TNFSF13B: variants seen among roughly 807,000 people sequenced by gnomAD.
The protein encoded by TNFSF13B is tumor necrosis factor ligand superfamily member 13B.
TNFSF13B carries 8 observed loss-of-function variants against 29.1 expected under a neutral mutation model. That is an observed-to-expected ratio of 0.27 (90% CI 0.16 to 0.50). The LOEUF (loss-of-function observed/expected upper bound fraction) is 0.50, where lower values mean the gene tolerates loss of function less well. Ranked by LOEUF, TNFSF13B falls within the 20% of genes least tolerant of loss-of-function variation. TNFSF13B has a pLI of 0.98. For synonymous variants in TNFSF13B, 125 were observed against 130.8 expected, an observed-to-expected ratio of 0.96 and a Z score of 0.30; for missense variants, 248 against 334.9, an observed-to-expected ratio of 0.74 and a Z score of 2.03.
intron 5 of TNFSF13B, among the ~76,000 whole-genome samples, chr13:108,303,977 T>C (rs1366694111): frequency 2.0e-5 from 3 of 152,216 alleles, no homozygotes; most frequent in Non-Finnish European, 2.9e-5. Context: ...CTGACAAGGA[T>C]AGAGTGATTA....
intron 2 of TNFSF13B, among the ~76,000 whole-genome samples, chr13:108,271,041 C>T (rs766013490): frequency 1.0e-3 from 154 of 151,752 alleles, no homozygotes; most frequent in Admixed American, 1.7e-3. Flanking sequence ...ATGCATTTAT[C>T]GTCTTCTTAT....
At position 108,299,103 on chromosome 13, in the gene TNFSF13B, C is replaced by T. The variant is rs1051757541; in HGVS notation, c.482-4150C>T. Among the ~76,000 whole-genome samples the T allele has an allele frequency of 1.4e-5, 2 of 146,134 alleles. 1 individual carries two copies. The highest frequency in any genetic ancestry group is 3.0e-5 in the Non-Finnish European group (2 of 65,680). ...GGAATAGCTCTCCATTTATTTAGTT[C>T]TTTAAATCTTTTACATATTTTGTTG... On this transcript the variant is annotated intron_variant, in intron 3 of 5. Transcript: ENST00000375887.
At chr13:108,274,053 A>G (rs1003723941) in intron 2 of TNFSF13B, among the ~76,000 whole-genome samples, 8 of 152,164 alleles carry the variant, frequency 5.3e-5, no homozygotes, top group Non-Finnish European at 7.3e-5. Context: ...TTTTAAAATA[A>G]CATTTTCTTT....
chr13:108,270,150 C>T lies in TNFSF13B; in HGVS notation c.255C>T (p.Gly85=). 1 of 1,602,008 alleles carries T rather than the reference C, an allele frequency of 6.2e-7. No individual in the cohort carries two copies. The highest frequency in any genetic ancestry group is 1.1e-5 in the South Asian group (1 of 91,052). The change falls in exon 1 of 6, where the codon GGC becomes GGT. Residue 85 remains glycine (G), a synonymous_variant. Transcript: ENST00000375887. ...CCAGCCTCCGGGCAGAGCTGCAGGG[C>T]CACCACGCGGAGAAGCTGCCAGCAG... ...DLASLRAELQ[G]HHAEKLPAGA... is the part of the protein sequence containing the mutation.
At chr13:108,300,396 G>A (rs941678617) in intron 3 of TNFSF13B, among the ~76,000 whole-genome samples, 25 of 152,030 alleles carry the variant, frequency 1.6e-4, no homozygotes, top group African/African-American at 6.0e-4. Flanking sequence ...TATCTCTCAA[G>A]TATATTATTT....
chr13:108,286,495 C>T (rs771597222), intron 2 of TNFSF13B, among the ~76,000 whole-genome samples: 1 of 151,918 alleles, frequency 6.6e-6, no homozygotes, highest in Non-Finnish European at 1.5e-5. Context: ...GGTAGACTTG[C>T]AAAACAAATG....
rs1163487676 is a variant in TNFSF13B, at chr13:108,307,796, T to C, written c.*858T>C. ...TGAATACATTCATACTAATGTAATG[T>C]AATTTCCCTTTATTTCTTGCTCTTC... On this transcript the variant is annotated 3_prime_UTR_variant, in exon 6 of 6. Coordinates refer to ENST00000375887, the MANE Select transcript of TNFSF13B (RefSeq NM_006573.5). 1.3e-5 allele frequency: 2 copies of C among 152,124 alleles called. No homozygotes were observed. The highest frequency in any genetic ancestry group is 2.4e-5 in the African/African-American group (1 of 41,458). The allele number at this position is 152,124 out of a possible 1,614,324, so 9.4% of individuals were successfully genotyped here.
Position 108,270,424 on chromosome 13 carries a change from G to T in TNFSF13B, c.424G>T (p.Val142Phe). The change falls in exon 2 of 6, where the codon GTC becomes TTC. Residue 142 changes from valine to phenylalanine, a missense_variant and splice_region_variant. Val to Phe is a conservative substitution (Grantham distance 50). Transcript: ENST00000375887. The part of the protein sequence containing the change: ...KRAVQGPEET[V>F]TQDCLQLIAD... ...TGCCGTTCAGGGTCCAGAAGAAACAGGTATGTTTTGGGCACAGACACTTTT... is the reference window on the plus strand; with the variant it reads ...TGCCGTTCAGGGTCCAGAAGAAACATGTATGTTTTGGGCACAGACACTTTT... 6.2e-7 allele frequency: 1 copy of T among 1,613,896 alleles called. No homozygotes were observed. The highest frequency in any genetic ancestry group is 8.5e-7 in the Non-Finnish European group (1 of 1,179,812).
chr13:108,298,554 A>G (rs1015372298), intron 3 of TNFSF13B, among the ~76,000 whole-genome samples: 1 of 145,442 alleles, frequency 6.9e-6, no homozygotes, highest in African/African-American at 2.6e-5. Context: ...CTTGAAGTAG[A>G]GTAGTGTTAG....
chr13:108,300,963 C>G (rs1881606485), intron 3 of TNFSF13B, among the ~76,000 whole-genome samples: 1 of 152,156 alleles, frequency 6.6e-6, no homozygotes, highest in Non-Finnish European at 1.5e-5. Flanking sequence ...AAAGATCTGA[C>G]TAGGGAAATG....
chr13:108,307,016 CAAAAAAAAAAAAAAAAAAA>C lies in TNFSF13B; in HGVS notation c.*91_*109del. On this transcript the variant is annotated 3_prime_UTR_variant, in exon 6 of 6. Coordinates refer to ENST00000375887, the MANE Select transcript of TNFSF13B (RefSeq NM_006573.5). The stretch of plus-strand genomic sequence containing the variant: ...GAAGAAAGAATCTAACTGAAAATAC[CAAAAAAAAAAAAAAAAAAA>C]AAAAAAAAAAAAGTAGTTACCATTG... 1 of 73,768 alleles carries C rather than the reference CAAAAAAAAAAAAAAAAAAA, an allele frequency of 1.4e-5. No individual in the cohort carries two copies. The highest frequency in any genetic ancestry group is 2.5e-5 in the Non-Finnish European group (1 of 39,448). The allele number at this position is 73,768 out of a possible 1,614,324, so 4.6% of individuals were successfully genotyped here. A position where few individuals can be genotyped will look rare whatever the true frequency, so the allele number is the denominator to read the frequency against.
At chr13:108,273,114 T>G (rs1202356803) in intron 2 of TNFSF13B, among the ~76,000 whole-genome samples, 1 of 152,182 alleles carries the variant, frequency 6.6e-6, no homozygotes. Flanking sequence ...CTATTATTAT[T>G]TCATGGTTTG....
chr13:108,300,905 C>T (rs1241106595), intron 3 of TNFSF13B, among the ~76,000 whole-genome samples: 2 of 152,202 alleles, frequency 1.3e-5, no homozygotes, highest in African/African-American at 4.8e-5. Context: ...CCTTCCTCTG[C>T]ACTCTCCCTG....
At chr13:108,302,834 A>G in intron 3 of TNFSF13B, 2 of 986,750 alleles carry the variant, frequency 2.0e-6, no homozygotes, top group African/African-American at 1.7e-5. Flanking sequence ...GTCTGGAAAC[A>G]TTTTGCCAAA....
At position 108,308,177 on chromosome 13, in the gene TNFSF13B, C is replaced by G. The variant is rs560762343; in HGVS notation, c.*1239C>G. On this transcript the variant is annotated 3_prime_UTR_variant, in exon 6 of 6. Coordinates refer to ENST00000375887, the MANE Select transcript of TNFSF13B (RefSeq NM_006573.5). ...AGTAGGTGGAAAAATAGATGCCAGT[C>G]TATGAAAATCTTCCCATCTATATCA... The G allele has an allele frequency of 6.6e-6, 1 of 152,130 alleles. No homozygotes were observed. The highest frequency in any genetic ancestry group is 2.4e-5 in the African/African-American group (1 of 41,520). The allele number at this position is 152,130 out of a possible 1,614,324, so 9.4% of individuals were successfully genotyped here. A position where few individuals can be genotyped will look rare whatever the true frequency, so the allele number is the denominator to read the frequency against.
intron 2 of TNFSF13B, among the ~76,000 whole-genome samples, chr13:108,270,737 C>T (rs960231936): frequency 6.6e-6 from 1 of 152,026 alleles, no homozygotes; most frequent in African/African-American, 2.4e-5. Context: ...GTAGATAATG[C>T]CCTCCCATGT....
At chr13:108,283,018 C>T (rs1881002323) in intron 2 of TNFSF13B, among the ~76,000 whole-genome samples, 2 of 152,074 alleles carry the variant, frequency 1.3e-5, no homozygotes, top group South Asian at 4.1e-4. Flanking sequence ...TTTCAAAACT[C>T]TTGTGGTTAG....
chr13:108,303,619 T>A lies in TNFSF13B; in HGVS notation c.745+15T>A. ...CTATTCAGCTGGTAAATATTAGTTC[T>A]CACACCCTGCTAATTGTGAAATGAA... On this transcript the variant is annotated intron_variant, in intron 5 of 5. Transcript: ENST00000375887. The A allele has an allele frequency of 6.2e-7, 1 of 1,602,676 alleles. No homozygotes were observed. The highest frequency in any genetic ancestry group is 8.5e-7 in the Non-Finnish European group (1 of 1,175,424).
Position 108,270,296 on chromosome 13 carries a change from G to C in TNFSF13B, c.340-44G>C, listed in dbSNP as rs1418287609. 4 of 1,613,442 alleles carry C rather than the reference G, an allele frequency of 2.5e-6. No individual in the cohort carries two copies. In the African/African-American group the frequency reaches 4.0e-5, roughly 16 times the overall value. Reference sequence around the variant, plus strand: ...CTGCCTACACTGCTGCCTCTCCCTCGCCTCAGCTGTCTTTCTAATAACTTG... The same window carrying C: ...CTGCCTACACTGCTGCCTCTCCCTCCCCTCAGCTGTCTTTCTAATAACTTG... On this transcript the variant is annotated intron_variant, in intron 1 of 5. Transcript: ENST00000375887.
Sources: allele counts gnomAD v4.1 joint callset (sites outside exome capture counted in the v4.1 genomes callset), GRCh38; gene constraint gnomAD v4.1.1; transcripts MANE v1.5; gene names NCBI Gene and HGNC (gene_info 2026-07-23, HGNC 2026-07-21).